Variants in ZNF100 observed in about 807,000 individuals in gnomAD.
ZNF100 encodes zinc finger protein 100 (Y1).
Under a neutral mutation model 15.8 loss-of-function variants are expected in ZNF100, and 12 were observed. The observed-to-expected ratio is 0.76, with a 90% CI of 0.49 to 1.23. The LOEUF (loss-of-function observed/expected upper bound fraction) is 1.23, where lower values mean the gene tolerates loss of function less well. Ranked by LOEUF, ZNF100 falls within the 50% of genes most tolerant of loss-of-function variation. The pLI, the probability that ZNF100 is intolerant of heterozygous loss-of-function variation, is 0.00. For synonymous variants in ZNF100, 226 were observed against 214.8 expected, an observed-to-expected ratio of 1.05 and a Z score of -0.45; for missense variants, 670 against 635.6, an observed-to-expected ratio of 1.05 and a Z score of -0.58.
intron 4 of ZNF100, among the ~76,000 whole-genome samples, chr19:21,733,896 G>A (rs150203019): frequency 0.019 from 2,909 of 152,332 alleles, 85 homozygotes; most frequent in African/African-American, 0.064. Context: ...CACTCCACTG[G>A]TGACACCTCC....
rs755175056 is a variant in ZNF100 at position 21,727,870 on chromosome 19, C to T, written c.442G>A (p.Gly148Ser). ...YGHDNLQLQK[G>S]CKSVDECKVH... is the part of the protein sequence containing the mutation. ...TTACACTCATCCACACTTTTACAGC[C>T]TTTTTGTAACTGTAAATTGTCATGT... is the stretch of plus-strand genomic sequence containing the variant. The change falls in exon 5 of 5, where the codon GGC becomes AGC. Residue 148 changes from glycine (G) to serine (S), a missense_variant. By Grantham distance (56) the Gly-to-Ser change is moderately conservative (BLOSUM62 0). Coordinates refer to ENST00000358296, the MANE Select transcript of ZNF100 (RefSeq NM_173531.4). 3 of 1,608,116 alleles carry T rather than the reference C, an allele frequency of 1.9e-6. No individual in the cohort carries two copies. The highest frequency in any genetic ancestry group is 2.2e-5 in the South Asian group (2 of 89,256).
intron 1 of ZNF100, 114 bp from the exon 2 acceptor site, chr19:21,765,900 A>C (rs2036551736): frequency 1.9e-6 from 2 of 1,051,930 alleles, no homozygotes; most frequent in Non-Finnish European, 2.8e-6. Context: ...ACCAGGAAAA[A>C]ACTAAAGGGT....
At position 21,724,010 on chromosome 19, in the gene ZNF100, C is replaced by T. The variant is rs543685054; in HGVS notation, c.*2673G>A. The T allele has an allele frequency of 6.6e-6, 1 of 152,096 alleles. No individual in the cohort carries two copies. Among genetic ancestry groups the T allele is most frequent in the Non-Finnish European group, 1.5e-5 (1 of 68,008 alleles). The allele number at this position is 152,096 out of a possible 1,614,324, so 9.4% of individuals were successfully genotyped here. On this transcript the variant is annotated 3_prime_UTR_variant, in exon 5 of 5. Transcript: ENST00000358296. The stretch of plus-strand genomic sequence containing the variant: ...TGCACTAAATTTTGTAAAAATTATT[C>T]TTATAATCACAGACCAGCTCACATA...
intron 4 of ZNF100, among the ~76,000 whole-genome samples, chr19:21,729,568 TAATG>T (rs1478310058): frequency 1.3e-5 from 2 of 151,484 alleles, no homozygotes; most frequent in South Asian, 2.1e-4. Flanking sequence ...TAAAGTATAA[TAATG>T]AAAGAAAAAA....
chr19:21,766,852 G>C (rs2036571700), intron 1 of ZNF100, among the ~76,000 whole-genome samples: 1 of 152,018 alleles, frequency 6.6e-6, no homozygotes, highest in Non-Finnish European at 1.5e-5. Context: ...AAATAAGGCC[G>C]GCCCAGTGAC....
At chr19:21,746,119 A>G (rs2036208387) in intron 2 of ZNF100, among the ~76,000 whole-genome samples, 1 of 152,224 alleles carries the variant, frequency 6.6e-6, no homozygotes, top group Non-Finnish European at 1.5e-5. Flanking sequence ...CTTTTTAACC[A>G]AGTAAATTAT....
intron 4 of ZNF100, among the ~76,000 whole-genome samples, chr19:21,739,352 A>G (rs548798863): frequency 5.9e-5 from 9 of 152,352 alleles, no homozygotes; most frequent in Non-Finnish European, 1.2e-4. Flanking sequence ...GACCACAAGT[A>G]TAAGACCAGT....
At chr19:21,740,036 C>T (rs1244771334) in intron 4 of ZNF100, among the ~76,000 whole-genome samples, 13 of 151,820 alleles carry the variant, frequency 8.6e-5, no homozygotes, top group Non-Finnish European at 1.8e-4. Flanking sequence ...AACCAAACAC[C>T]CATGAAAAGA....
chr19:21,727,631 A>T lies in ZNF100; in HGVS notation c.681T>A (p.His227Gln). The T allele has an allele frequency of 6.2e-7, 1 of 1,611,850 alleles. No homozygotes were observed. Among genetic ancestry groups the T allele is most frequent in the Non-Finnish European group, 8.5e-7 (1 of 1,179,250 alleles). ...LLHLTQHKRF[H>Q]ITENSYQCKD... is the part of the protein sequence containing the mutation. ...TACATTGGTAGGAATTCTCTGTAAT[A>T]TGAAATCTTTTATGTTGAGTTAGGT... is the stretch of plus-strand genomic sequence containing the variant. The change falls in exon 5 of 5, where the codon CAT (histidine) becomes CAA (glutamine). Residue 227 changes from histidine to glutamine, a missense_variant. Physicochemically the swap from His to Gln is conservative, Grantham distance 24. Transcript: ENST00000358296.
At chr19:21,731,760 T>C (rs995581516) in intron 4 of ZNF100, among the ~76,000 whole-genome samples, 12 of 152,114 alleles carry the variant, frequency 7.9e-5, no homozygotes, top group African/African-American at 2.9e-4. Flanking sequence ...CTAGCCACAA[T>C]GAGACAGAGA....
At chr19:21,743,803 T>A (rs922272195) in intron 4 of ZNF100, among the ~76,000 whole-genome samples, 1 of 134,478 alleles carries the variant, frequency 7.4e-6, no homozygotes, top group Non-Finnish European at 1.5e-5. Context: ...GAAAGTAGAA[T>A]CTTTAAAGAA....
chr19:21,744,846 T>C, intron 3 of ZNF100, 95 bp downstream of exon 3: 1 of 1,551,982 alleles, frequency 6.4e-7, no homozygotes, highest in Non-Finnish European at 8.7e-7. Context: ...GATCAGAAAC[T>C]CATTTATGCA....
intron 4 of ZNF100, among the ~76,000 whole-genome samples, chr19:21,740,198 A>C (rs2036083575): frequency 6.6e-6 from 1 of 152,232 alleles, no homozygotes; most frequent in Non-Finnish European, 1.5e-5. Context: ...ATGATCTTCC[A>C]CAAAGCTGCC....
intron 2 of ZNF100, among the ~76,000 whole-genome samples, chr19:21,764,636 T>C (rs939323427): frequency 6.7e-6 from 1 of 150,176 alleles, no homozygotes; most frequent in Non-Finnish European, 1.5e-5. Flanking sequence ...CCAGACTCCG[T>C]GTGGGGAAAA....
intron 1 of ZNF100, among the ~76,000 whole-genome samples, chr19:21,767,223 T>C (rs2036578841): frequency 6.6e-6 from 1 of 152,086 alleles, no homozygotes; most frequent in Non-Finnish European, 1.5e-5. Flanking sequence ...GCACAGTCAC[T>C]ACGCAGGGAA....
At chr19:21,731,394 C>T (rs1313944261) in intron 4 of ZNF100, among the ~76,000 whole-genome samples, 14 of 151,680 alleles carry the variant, frequency 9.2e-5, no homozygotes, top group Admixed American at 3.9e-4. Flanking sequence ...CTGCAACCTC[C>T]GCCTCCTGGG....
chr19:21,731,597 G>A (rs370550398), intron 4 of ZNF100, among the ~76,000 whole-genome samples: 7 of 152,014 alleles, frequency 4.6e-5, no homozygotes, highest in South Asian at 2.1e-4. Context: ...ATGAGCCACC[G>A]TGCCCGGCAA....
intron 4 of ZNF100, among the ~76,000 whole-genome samples, chr19:21,739,662 A>C (rs1002775539): frequency 1.3e-5 from 2 of 152,094 alleles, no homozygotes; most frequent in African/African-American, 4.8e-5. Context: ...AAAACTGGCA[A>C]CTCCAACAAT....
At chr19:21,730,533 A>T (rs1158000927) in intron 4 of ZNF100, among the ~76,000 whole-genome samples, 2 of 152,122 alleles carry the variant, frequency 1.3e-5, no homozygotes, top group Non-Finnish European at 2.9e-5. Context: ...AACTGAAGAA[A>T]CATCTAGACA....
Sources: allele counts gnomAD v4.1 joint callset (sites outside exome capture counted in the v4.1 genomes callset), GRCh38; gene constraint gnomAD v4.1.1; transcripts MANE v1.5; gene names NCBI Gene and HGNC (gene_info 2026-07-23, HGNC 2026-07-21).